The following RIMS2 variants were observed in gnomAD, a reference collection of about 807,000 sequenced individuals.
The protein encoded by RIMS2 is regulating synaptic membrane exocytosis protein 2.
RIMS2 carries 59 observed loss-of-function variants against 174.4 expected under a neutral mutation model. The ratio of observed to expected loss-of-function variants is 0.34; its 90% CI spans 0.27 to 0.42. The LOEUF (loss-of-function observed/expected upper bound fraction) is 0.42, where lower values mean the gene tolerates loss of function less well. Among genes scored for constraint, RIMS2 ranks in the 10% least tolerant of loss-of-function variants. RIMS2 has a pLI of 1.00. For synonymous variants in RIMS2, 606 were observed against 572.5 expected (o/e 1.06, Z -0.84); for missense variants, 1,620 against 1,666.3 (o/e 0.97, Z 0.48).
At chr8:103,966,801 A>G (rs1252189627) in intron 15 of RIMS2, among the ~76,000 whole-genome samples, 1 of 151,908 alleles carries the variant, frequency 6.6e-6, no homozygotes, top group Admixed American at 6.6e-5. Context: ...CATCCCACAA[A>G]TTTTGTTGTT....
chr8:103,858,732 TAC>T (rs71881969), intron 3 of RIMS2, among the ~76,000 whole-genome samples: 69,648 of 144,962 alleles, frequency 0.48, 16,938 homozygotes, highest in Non-Finnish European at 0.54. Context: ...TACATACCTA[TAC>T]ACACACACAC....
At chr8:104,104,360 G>A (rs2097986211) in intron 19 of RIMS2, among the ~76,000 whole-genome samples, 1 of 152,172 alleles carries the variant, frequency 6.6e-6, no homozygotes, top group Non-Finnish European at 1.5e-5. Context: ...CACTGAGATA[G>A]GTAAAGTGTA....
At chr8:103,753,425 G>C (rs1235813959) in intron 2 of RIMS2, among the ~76,000 whole-genome samples, 2 of 152,094 alleles carry the variant, frequency 1.3e-5, no homozygotes, top group Non-Finnish European at 2.9e-5. Flanking sequence ...GCCCGGCTTT[G>C]GTATCAGGAT....
At chr8:103,852,493 TA>T (rs2099004467) in intron 3 of RIMS2, among the ~76,000 whole-genome samples, 2 of 151,628 alleles carry the variant, frequency 1.3e-5, no homozygotes, top group Admixed American at 1.3e-4. Context: ...TCTCAGTGGG[TA>T]TATTGCAACC....
At chr8:103,643,977 A>T (rs929575476) in intron 1 of RIMS2, among the ~76,000 whole-genome samples, 1 of 152,064 alleles carries the variant, frequency 6.6e-6, no homozygotes, top group African/African-American at 2.4e-5. Flanking sequence ...CCTTGAGAGA[A>T]GACCTTGTTA....
chr8:104,144,509 G>C (rs1387356243), intron 19 of RIMS2, among the ~76,000 whole-genome samples: 1 of 151,950 alleles, frequency 6.6e-6, no homozygotes, highest in East Asian at 1.9e-4. Context: ...CTTTTCGTTT[G>C]TCTGTTTTAA....
chr8:104,004,442 A>G (rs1175165406), intron 17 of RIMS2, among the ~76,000 whole-genome samples: 1 of 152,174 alleles, frequency 6.6e-6, no homozygotes, highest in Non-Finnish European at 1.5e-5. Context: ...TGAATGAAAA[A>G]TGCCTGTTGG....
chr8:103,812,349 T>G (rs1301509754), intron 3 of RIMS2, among the ~76,000 whole-genome samples: 3 of 149,880 alleles, frequency 2.0e-5, no homozygotes, highest in African/African-American at 7.3e-5. Flanking sequence ...TTTTTTTTTT[T>G]TTTTTGTTGT....
intron 19 of RIMS2, among the ~76,000 whole-genome samples, chr8:104,147,340 T>TA (rs1337400216): frequency 2.6e-5 from 4 of 152,104 alleles, no homozygotes; most frequent in Admixed American, 1.3e-4. Flanking sequence ...TATAATAGTA[T>TA]ACTTCACTAT....
In RIMS2 at chr8:104,076,534, GAC is replaced by G. The variant is rs373709675; in HGVS notation, c.3334+61923_3334+61924del. 4.2e-3 allele frequency among the ~76,000 whole-genome samples: 645 copies of G among 152,226 alleles called. 7 individuals carry two copies. Among genetic ancestry groups the G allele is most frequent in the African/African-American group, 0.013 (521 of 41,558 alleles). On this transcript the variant is annotated intron_variant, in intron 19 of 23. Coordinates refer to ENST00000504942, the Ensembl canonical transcript of RIMS2. ...CACAATATTATTAATAACTATAGCA[GAC>G]ACAGATTTATAGCAGAAATTCTGAA...
intron 2 of RIMS2, among the ~76,000 whole-genome samples, chr8:103,708,826 C>A (rs768908866): frequency 5.3e-5 from 8 of 151,976 alleles, no homozygotes; most frequent in Non-Finnish European, 1.0e-4. Flanking sequence ...TTGTTGAGGG[C>A]CTGGGGGAAT....
At chr8:104,081,287 A>G (rs1488514548) in intron 19 of RIMS2, among the ~76,000 whole-genome samples, 1 of 152,026 alleles carries the variant, frequency 6.6e-6, no homozygotes, top group Non-Finnish European at 1.5e-5. Flanking sequence ...TGAATTTTAA[A>G]TGAGTTTAAA....
At chr8:104,014,393 C>G (rs2095846451) in intron 18 of RIMS2, 113 bp from the exon 21 acceptor site, 1 of 550,380 alleles carries the variant, frequency 1.8e-6, no homozygotes, top group Non-Finnish European at 3.2e-6. Flanking sequence ...TTTTAATCTG[C>G]AGCTAAACTT....
intron 3 of RIMS2, among the ~76,000 whole-genome samples, chr8:103,800,820 G>T (rs1466018691): frequency 1.3e-5 from 2 of 152,104 alleles, no homozygotes; most frequent in Admixed American, 1.3e-4. Context: ...GATTTAATCA[G>T]GGAATGCTGG....
chr8:104,060,419 C>A (rs1291872643), intron 19 of RIMS2, among the ~76,000 whole-genome samples: 1 of 151,648 alleles, frequency 6.6e-6, no homozygotes, highest in African/African-American at 2.4e-5. Context: ...TGGTGATATC[C>A]CCTTTATCAT....
chr8:103,814,304 C>T (rs766424180), intron 3 of RIMS2, among the ~76,000 whole-genome samples: 11 of 150,890 alleles, frequency 7.3e-5, no homozygotes, highest in South Asian at 4.2e-4. Flanking sequence ...AAGTACTATG[C>T]GTGATATCTG....
At chr8:104,128,386 A>G (rs1345229386) in intron 19 of RIMS2, among the ~76,000 whole-genome samples, 5 of 152,240 alleles carry the variant, frequency 3.3e-5, no homozygotes, top group Admixed American at 3.3e-4. Context: ...AACTTTAAGG[A>G]ATTAAGATAC....
intron 19 of RIMS2, among the ~76,000 whole-genome samples, chr8:104,137,234 T>G (rs553626949): frequency 4.6e-5 from 7 of 152,192 alleles, no homozygotes; most frequent in Non-Finnish European, 1.0e-4. Flanking sequence ...CTAATAAGTT[T>G]GTTTATATTT....
intron 3 of RIMS2, among the ~76,000 whole-genome samples, chr8:103,789,376 C>G (rs1463848040): frequency 6.6e-6 from 1 of 152,106 alleles, no homozygotes; most frequent in African/African-American, 2.4e-5. Context: ...GACCTCAAAA[C>G]TCTCTTTTAA....
Sources: allele counts gnomAD v4.1 joint callset (sites outside exome capture counted in the v4.1 genomes callset), GRCh38; gene constraint gnomAD v4.1.1; transcripts MANE v1.5; gene names NCBI Gene and HGNC (gene_info 2026-07-23, HGNC 2026-07-21).